The following SCUBE3 variants were observed in gnomAD, a reference collection of about 807,000 sequenced individuals.
SCUBE3 encodes the protein signal peptide, CUB and EGF-like domain-containing protein 3.
SCUBE3 carries 33 observed loss-of-function variants against 116.8 expected under a neutral mutation model. That is an observed-to-expected ratio of 0.28 (90% CI 0.21 to 0.38). The LOEUF is 0.38. Ranked by LOEUF, SCUBE3 falls within the 10% of genes least tolerant of loss-of-function variation. SCUBE3 has a pLI of 1.00. For missense variants in SCUBE3, 1,007 were observed against 1,324.8 expected, an observed-to-expected ratio of 0.76 and a Z score of 3.72; for synonymous variants, 418 against 496.9, an observed-to-expected ratio of 0.84 and a Z score of 2.11.
intron 2 of SCUBE3, 101 bp downstream of exon 2, chr6:35,227,803 A>T: frequency 1.3e-5 from 15 of 1,164,642 alleles, no homozygotes; most frequent in Non-Finnish European, 1.7e-5. Context: ...AAGGCTAGAA[A>T]TTCCACTGGT....
At chr6:35,223,637 G>A (rs1054233828) in intron 1 of SCUBE3, 6 of 152,210 alleles carry the variant, frequency 3.9e-5, no homozygotes, top group African/African-American at 1.4e-4. Context: ...CCAGGGTTGA[G>A]AACCGCTGGT....
chr6:35,242,300 C>G lies in SCUBE3; in HGVS notation c.1514C>G (p.Ala505Gly). The G allele has an allele frequency of 6.2e-7, 1 of 1,613,008 alleles. No individual in the cohort carries two copies. Among genetic ancestry groups the G allele is most frequent in the Non-Finnish European group, 8.5e-7 (1 of 1,178,986 alleles). ...CGAAACAAAGGCAAAACAGAGGAGG[C>G]TGGCAGAATCACAGGGCCAGGTTTG... Reference protein sequence around the residue: ...HLRNKGKTEEAGRITGPGGAP... With the variant: ...HLRNKGKTEEGGRITGPGGAP... The change falls in exon 13 of 22, where the codon GCT (alanine) becomes GGT (glycine). Residue 505 changes from alanine to glycine, a missense_variant. Transcript: ENST00000274938.
rs1016748568 is a variant in SCUBE3 at position 35,252,333 on chromosome 6, G to A, written c.*3628G>A. ...CAAGATTTGGTCAGTTTGAGGTGGT[G>A]GAGACTCAGATTTGTTGCTGAAAGT... is the stretch of plus-strand genomic sequence containing the variant. On this transcript the variant is annotated 3_prime_UTR_variant, in exon 22 of 22. Coordinates refer to ENST00000274938, the MANE Select transcript of SCUBE3 (RefSeq NM_152753.4). 8 of 152,170 alleles carry A rather than the reference G, an allele frequency of 5.3e-5. No individual in the cohort carries two copies. The highest frequency in any genetic ancestry group is 2.1e-4 in the South Asian group (1 of 4,818). 9.4% of individuals were successfully genotyped at this position (152,170 alleles called of 1,614,324 possible).
Position 35,241,021 on chromosome 6 carries a change from T to C in SCUBE3, c.1070-120T>C, listed in dbSNP as rs1012661818. 1.5e-5 allele frequency: 14 copies of C among 923,302 alleles called. No homozygotes were observed. Among genetic ancestry groups the C allele is most frequent in the Non-Finnish European group, 2.3e-5 (14 of 604,118 alleles). The allele number at this position is 923,302 out of a possible 1,614,324, so 57.2% of individuals were successfully genotyped here. A position where few individuals can be genotyped will look rare whatever the true frequency, so the allele number is the denominator to read the frequency against. On this transcript the variant is annotated intron_variant, in intron 9 of 21. Coordinates refer to ENST00000274938, the MANE Select transcript of SCUBE3 (RefSeq NM_152753.4). This position sits in a 1 kb window ranked among gnomAD's most constrained non-coding sequence, Gnocchi z 4.1. ...TTGTACAGTAGATCTCTCGAACTTA[T>C]TCATCTTGCGTAATGCAGGGTACCT... is the stretch of plus-strand genomic sequence containing the variant.
At chr6:35,220,536 T>G (rs571534392) in intron 1 of SCUBE3, 2 of 152,332 alleles carry the variant, frequency 1.3e-5, no homozygotes, top group South Asian at 4.1e-4. Flanking sequence ...GATTCATGGT[T>G]GTTGATTTTG....
chr6:35,248,568 A>G lies in SCUBE3; in HGVS notation c.2845A>G (p.Ile949Val), dbSNP rs1304424942. 1 of 1,614,110 alleles carries G rather than the reference A, an allele frequency of 6.2e-7. No homozygotes were observed. Among genetic ancestry groups the G allele is most frequent in the East Asian group, 2.2e-5 (1 of 44,888 alleles). Residue 949 changes from isoleucine to valine, a missense_variant, in exon 22 of 22, where the codon ATC (isoleucine) becomes GTC (valine). By Grantham distance (29) the Ile-to-Val change is conservative (BLOSUM62 3). This residue lies in a region of SCUBE3 where 118 missense variants were observed against 196.6 expected (regional missense o/e 0.60). Transcript: ENST00000274938. ...HQEILKDKKL[I>V]KAFFEVLAHP... ...CCATCCTTTGCAGGACAAGAAGCTC[A>G]TCAAGGCCTTCTTTGAGGTGCTAGC... is the stretch of plus-strand genomic sequence containing the variant.
At chr6:35,242,352 G>C (rs368565136) in intron 13 of SCUBE3, 32 bp downstream of exon 13, 10 of 1,443,450 alleles carry the variant, frequency 6.9e-6, no homozygotes, top group Non-Finnish European at 9.8e-6. Flanking sequence ...CCAGTTGGCT[G>C]TCTGGCCACT....
Position 35,244,544 on chromosome 6 carries a change from T to C in SCUBE3, c.2240-106T>C. On this transcript the variant is annotated intron_variant, in intron 17 of 21. Coordinates refer to ENST00000274938, the MANE Select transcript of SCUBE3 (RefSeq NM_152753.4). This position sits in a 1 kb window ranked among gnomAD's most constrained non-coding sequence, Gnocchi z 4.3. ...GAGACCCTAGAAAAGAACTTTGATG[T>C]ATCTGATCTCCTGATTCTCCAGGAT... 1.1e-6 allele frequency: 1 copy of C among 886,270 alleles called. No homozygotes were observed. The highest frequency in any genetic ancestry group is 2.4e-5 in the East Asian group (1 of 41,234). The allele number at this position is 886,270 out of a possible 1,614,324, so 54.9% of individuals were successfully genotyped here.
chr6:35,241,945 ACT>A lies in SCUBE3; in HGVS notation c.1417+40_1417+41del, dbSNP rs748689470. On this transcript the variant is annotated intron_variant, in intron 12 of 21. Coordinates refer to ENST00000274938, the MANE Select transcript of SCUBE3 (RefSeq NM_152753.4). This position sits in a 1 kb window ranked among gnomAD's most constrained non-coding sequence, Gnocchi z 4.1. Reference sequence around the variant, plus strand: ...AGCCCAGAAGCCCTGTTCCCACCCTACTCTCTTACATTAATCCCTTATTTTTG... The same window carrying A: ...AGCCCAGAAGCCCTGTTCCCACCCTACTCTTACATTAATCCCTTATTTTTG... The A allele has an allele frequency of 2.9e-6, 4 of 1,360,610 alleles. No individual in the cohort carries two copies. The highest frequency in any genetic ancestry group is 2.9e-5 in the African/African-American group (2 of 69,770). 84.3% of individuals were successfully genotyped at this position (1,360,610 alleles called of 1,614,324 possible).
Position 35,251,703 on chromosome 6 carries a change from A to G in SCUBE3, c.*2998A>G, listed in dbSNP as rs1486993602. On this transcript the variant is annotated 3_prime_UTR_variant, in exon 22 of 22. Transcript: ENST00000274938. ...GGCTTCTTAATTGATGTCAAGGCAG[A>G]TCTTGGTGAGCAGGTAAAAACCTGC... The G allele has an allele frequency of 1.3e-5, 2 of 152,242 alleles. No homozygotes were observed. Among genetic ancestry groups the G allele is most frequent in the Non-Finnish European group, 2.9e-5 (2 of 68,042 alleles). 9.4% of individuals were successfully genotyped at this position (152,242 alleles called of 1,614,324 possible).
At position 35,252,670 on chromosome 6, in the gene SCUBE3, G is replaced by A. The variant is rs1784594633; in HGVS notation, c.*3965G>A. 6.6e-6 allele frequency: 1 copy of A among 152,196 alleles called. No individual in the cohort carries two copies. The highest frequency in any genetic ancestry group is 2.4e-5 in the African/African-American group (1 of 41,458). The allele number at this position is 152,196 out of a possible 1,614,324, so 9.4% of individuals were successfully genotyped here. On this transcript the variant is annotated 3_prime_UTR_variant, in exon 22 of 22. Transcript: ENST00000274938. ...TTTTTACATTTGACCCGTCTCAAAAGTAGCACACCCTATCCTTGTGCCATT... is the reference window on the plus strand; with the variant it reads ...TTTTTACATTTGACCCGTCTCAAAAATAGCACACCCTATCCTTGTGCCATT...
Position 35,233,314 on chromosome 6 carries a change from A to C in SCUBE3, c.712+13A>C. The C allele has an allele frequency of 5.6e-6, 6 of 1,077,020 alleles. No homozygotes were observed. The highest frequency in any genetic ancestry group is 1.6e-5 in the African/African-American group (1 of 62,038). The allele number at this position is 1,077,020 out of a possible 1,614,324, so 66.7% of individuals were successfully genotyped here. On this transcript the variant is annotated intron_variant, in intron 6 of 21. Transcript: ENST00000274938. The surrounding 1 kb of genome is among the most constrained non-coding windows in gnomAD (Gnocchi z 5.7). Reference sequence around the variant, plus strand: ...AAGACATGCATCGGTGGGTGAGGCCAGGGGAGAACTCAGTCCACCTGAGAT... The same window carrying C: ...AAGACATGCATCGGTGGGTGAGGCCCGGGGAGAACTCAGTCCACCTGAGAT...
rs77906502 is a variant in SCUBE3 at position 35,227,231 on chromosome 6, G to A, written c.86-349G>A. 2.5e-3 allele frequency among the ~76,000 whole-genome samples: 382 copies of A among 152,112 alleles called. 11 individuals are homozygous for A. The East Asian group carries it at 0.067, about 27-fold the overall frequency. On this transcript the variant is annotated intron_variant, in intron 1 of 21. Transcript: ENST00000274938. The stretch of plus-strand genomic sequence containing the variant: ...TTAACTTTCCCTCTAAGCCTTCTCC[G>A]TAAACTCATTCACTTTAAGTTGATT...
chr6:35,217,299 G>C (rs1291433235), intron 1 of SCUBE3, among the ~76,000 whole-genome samples: 5 of 124,246 alleles, frequency 4.0e-5, no homozygotes, highest in African/African-American at 1.5e-4. Context: ...CCTAATCCTC[G>C]CATAGGGCTC....
intron 1 of SCUBE3, among the ~76,000 whole-genome samples, chr6:35,224,888 C>A (rs2150289573): frequency 6.6e-6 from 1 of 152,212 alleles, no homozygotes; most frequent in Admixed American, 6.5e-5. Context: ...TTATTCAGAA[C>A]CCCAGAGCAG....
At position 35,237,945 on chromosome 6, in the gene SCUBE3, T is replaced by A; in HGVS notation, c.756T>A (p.His252Gln). ...ACGGGGGCTGTGACAGTAAGTGCCA[T>A]GATGCAGCGACTGGTGTCCACTGCA... Reference protein sequence around the residue: ...VNNGGCDSKCHDAATGVHCTC... With the variant: ...VNNGGCDSKCQDAATGVHCTC... Residue 252 changes from histidine (H) to glutamine (Q), a missense_variant, in exon 7 of 22, where the codon CAT becomes CAA. Transcript: ENST00000274938. 6.2e-7 allele frequency: 1 copy of A among 1,613,440 alleles called. No individual in the cohort carries two copies. Among genetic ancestry groups the A allele is most frequent in the South Asian group, 1.1e-5 (1 of 91,044 alleles).
Position 35,237,995 on chromosome 6 carries a change from A to G in SCUBE3, c.806A>G (p.Gln269Arg). The change falls in exon 7 of 22, where the codon CAG (glutamine) becomes CGG (arginine). Residue 269 changes from glutamine to arginine, a missense_variant. By Grantham distance (43) the Gln-to-Arg change is conservative (BLOSUM62 1). This residue lies in a region of SCUBE3 where 214 missense variants were observed against 316.7 expected (regional missense o/e 0.68). Coordinates refer to ENST00000274938, the MANE Select transcript of SCUBE3 (RefSeq NM_152753.4). Reference sequence around the variant, plus strand: ...ACCTGCCCTGTGGGCTTCATGCTGCAGCCAGACAGGAAGACGTGCAAAGGT... The same window carrying G: ...ACCTGCCCTGTGGGCTTCATGCTGCGGCCAGACAGGAAGACGTGCAAAGGT... ...HCTCPVGFMLQPDRKTCKDID... is the reference protein window; with the variant it reads ...HCTCPVGFMLRPDRKTCKDID... The G allele has an allele frequency of 6.2e-7, 1 of 1,607,780 alleles. No individual in the cohort carries two copies. Among genetic ancestry groups the G allele is most frequent in the Non-Finnish European group, 8.5e-7 (1 of 1,174,482 alleles).
At chr6:35,229,441 T>C (rs570687750) in intron 3 of SCUBE3, among the ~76,000 whole-genome samples, 2 of 152,094 alleles carry the variant, frequency 1.3e-5, no homozygotes, top group African/African-American at 4.8e-5. Flanking sequence ...AATAACCCAC[T>C]TGAAGGCTGC....
chr6:35,227,190 TC>T (rs1412495516), intron 1 of SCUBE3, among the ~76,000 whole-genome samples: 1 of 152,204 alleles, frequency 6.6e-6, no homozygotes, highest in Non-Finnish European at 1.5e-5. Flanking sequence ...AGACCACTGT[TC>T]CCATGCCTTT....
Sources: gnomAD v4.1 joint callset for allele counts (sites outside exome capture counted in the v4.1 genomes callset) on GRCh38, gnomAD v4.1.1 for gene constraint, gnomAD v4.1.1 regional missense constraint, Gnocchi (gnomAD v3.1) non-coding constraint, MANE v1.5 for transcripts, NCBI Gene and HGNC (gene_info 2026-07-23, HGNC 2026-07-21) for gene names.